The following CATSPERB variants were observed in gnomAD, a reference collection of about 807,000 sequenced individuals.
CATSPERB encodes the protein cation channel sperm-associated auxiliary subunit beta.
In CATSPERB, 93 loss-of-function variants were observed where a neutral mutation model predicts 128.3. The observed-to-expected ratio is 0.72, with a 90% CI of 0.61 to 0.86. CATSPERB has a LOEUF of 0.86. Among genes scored for constraint, CATSPERB ranks in the 40% least tolerant of loss-of-function variants. The probability of loss-of-function intolerance (pLI) is 0.00; values close to 1 mark genes in which losing one functional copy is unlikely to be tolerated. For missense variants in CATSPERB, 1,153 were observed against 1,329.5 expected, an observed-to-expected ratio of 0.87 and a Z score of 2.06; for synonymous variants, 381 against 448.8, an observed-to-expected ratio of 0.85 and a Z score of 1.91.
At chr14:91,725,043 G>T (rs372046371) in intron 3 of CATSPERB, 37 bp downstream of exon 3, 7 of 1,047,784 alleles carry the variant, frequency 6.7e-6, no homozygotes, top group Admixed American at 5.1e-5. Flanking sequence ...TTAAAGGAAC[G>T]TGAAGGGTTA....
intron 26 of CATSPERB, among the ~76,000 whole-genome samples, chr14:91,586,650 A>G (rs1893307424): frequency 6.6e-6 from 1 of 152,072 alleles, no homozygotes; most frequent in Non-Finnish European, 1.5e-5. Flanking sequence ...GATTTTTATC[A>G]AATCCTTATT....
intron 22 of CATSPERB, among the ~76,000 whole-genome samples, chr14:91,593,909 GCGC>G (rs1239186313): frequency 2.7e-5 from 2 of 73,884 alleles, no homozygotes; most frequent in South Asian, 7.4e-4. Flanking sequence ...TGAATCATGG[GCGC>G]TGCTGGTCTT....
In CATSPERB at chr14:91,604,880, C is replaced by T. The variant is rs1332919975; in HGVS notation, c.2709+3414G>A. 51 of 1,334,390 alleles carry T rather than the reference C, an allele frequency of 3.8e-5. 1 individual carries two copies. The highest frequency in any genetic ancestry group is 4.1e-5 in the Non-Finnish European group (38 of 925,822). 82.7% of individuals were successfully genotyped at this position (1,334,390 alleles called of 1,614,324 possible). A position where few individuals can be genotyped will look rare whatever the true frequency, so the allele number is the denominator to read the frequency against. ...TTCCTGCCACCTCTTAGATTTCATT[C>T]TCTGGTTCTGGAACCACGTCTTAAC... On this transcript the variant is annotated intron_variant, in intron 22 of 26. Coordinates refer to ENST00000256343, the MANE Select transcript of CATSPERB (RefSeq NM_024764.4).
At chr14:91,650,852 T>C (rs1846534532) in intron 15 of CATSPERB, among the ~76,000 whole-genome samples, 2 of 152,154 alleles carry the variant, frequency 1.3e-5, no homozygotes, top group African/African-American at 4.8e-5. Flanking sequence ...ATTTATTATT[T>C]TAGATTTTCT....
In CATSPERB at chr14:91,693,247, A is replaced by C. The variant is rs752325077; in HGVS notation, c.713-3T>G. The C allele has an allele frequency of 1.9e-6, 3 of 1,602,918 alleles. No homozygotes were observed. The highest frequency in any genetic ancestry group is 2.6e-6 in the Non-Finnish European group (3 of 1,171,054). On this transcript the variant is annotated splice_polypyrimidine_tract_variant and splice_region_variant and intron_variant, in intron 8 of 26. Coordinates refer to ENST00000256343, the MANE Select transcript of CATSPERB (RefSeq NM_024764.4). ...CACCAATGAAAGGTCTTCATATTCT[A>C]AACGAAGAAATCATACCATGGATTA...
intron 7 of CATSPERB, among the ~76,000 whole-genome samples, chr14:91,702,363 G>T (rs1217280698): frequency 6.7e-6 from 1 of 150,036 alleles, no homozygotes. Context: ...AAAAAATCGC[G>T]GTTTTTGCCA....
At chr14:91,647,231 G>T (rs1894621362) in intron 15 of CATSPERB, among the ~76,000 whole-genome samples, 1 of 152,042 alleles carries the variant, frequency 6.6e-6, no homozygotes, top group African/African-American at 2.4e-5. Context: ...TATTCCTTGG[G>T]GATATGTGTG....
At chr14:91,703,154 T>A (rs1004855677) in intron 7 of CATSPERB, among the ~76,000 whole-genome samples, 1 of 152,134 alleles carries the variant, frequency 6.6e-6, no homozygotes, top group African/African-American at 2.4e-5. Flanking sequence ...TTAAATATAT[T>A]TTCCTTTATA....
chr14:91,636,652 G>C, intron 16 of CATSPERB, 73 bp from the exon 17 acceptor site: 1 of 1,301,652 alleles, frequency 7.7e-7, no homozygotes, highest in Non-Finnish European at 1.0e-6. Context: ...TGAAGTCACA[G>C]ATTTATTTCC....
At chr14:91,606,043 G>A (rs1406321372) in intron 22 of CATSPERB, among the ~76,000 whole-genome samples, 3 of 151,994 alleles carry the variant, frequency 2.0e-5, no homozygotes, top group African/African-American at 7.3e-5. Flanking sequence ...GGGTGTGGTG[G>A]TGGGTGCCTG....
intron 5 of CATSPERB, among the ~76,000 whole-genome samples, chr14:91,711,335 A>G (rs1218197556): frequency 1.3e-5 from 2 of 152,100 alleles, no homozygotes; most frequent in African/African-American, 4.8e-5. Context: ...GGTTCAAGTG[A>G]TCCTCCTGCC....
intron 11 of CATSPERB, among the ~76,000 whole-genome samples, chr14:91,682,026 C>T (rs150048928): frequency 6.6e-6 from 1 of 152,218 alleles, no homozygotes. Context: ...CTGAAACTAA[C>T]CTTTTTGCTG....
intron 20 of CATSPERB, among the ~76,000 whole-genome samples, chr14:91,612,022 T>C (rs1237617747): frequency 5.9e-5 from 5 of 85,342 alleles, no homozygotes; most frequent in African/African-American, 1.2e-4. Flanking sequence ...TTTTCTTTCT[T>C]TCTTTCTTTC....
chr14:91,604,598 T>G (rs1477426039), intron 22 of CATSPERB: 1 of 1,610,844 alleles, frequency 6.2e-7, no homozygotes. Flanking sequence ...TCCATAGTTA[T>G]AGAAGGGACT....
chr14:91,729,374 T>C (rs1896173641), intron 2 of CATSPERB, 27 bp downstream of exon 2: 5 of 1,063,584 alleles, frequency 4.7e-6, no homozygotes, highest in African/African-American at 1.6e-5. Flanking sequence ...GAGAAGGAAA[T>C]AGAGAGTAAG....
chr14:91,731,578 C>T (rs567862199), intron 1 of CATSPERB, among the ~76,000 whole-genome samples: 9 of 152,288 alleles, frequency 5.9e-5, no homozygotes, highest in African/African-American at 1.7e-4. Flanking sequence ...ATATTCTATA[C>T]AGAATAAGCA....
chr14:91,597,074 T>G (rs1283342100), intron 22 of CATSPERB, among the ~76,000 whole-genome samples: 1 of 151,792 alleles, frequency 6.6e-6, no homozygotes, highest in Non-Finnish European at 1.5e-5. Flanking sequence ...TTTGTATTTT[T>G]AGTAGAGACA....
Position 91,628,765 on chromosome 14 carries a change from CA to C in CATSPERB, c.1743-3759del, listed in dbSNP as rs1894216175. On this transcript the variant is annotated intron_variant, in intron 17 of 26. Transcript: ENST00000256343. ...CCCAGTTTCAGGTATTTCTTTATAG[CA>C]GTGTGAAAACAGACTACTGCATATG... is the stretch of plus-strand genomic sequence containing the variant. Among the ~76,000 whole-genome samples, 10 of 152,254 alleles carry C rather than the reference CA, an allele frequency of 6.6e-5. No individual in the cohort carries two copies. In the South Asian group the frequency reaches 1.9e-3, roughly 28 times the overall value.
At chr14:91,613,766 C>G (rs143435014) in intron 20 of CATSPERB, among the ~76,000 whole-genome samples, 1 of 152,132 alleles carries the variant, frequency 6.6e-6, no homozygotes. Context: ...TGACAAGCAC[C>G]GCACTCCTCC....
Sources: gnomAD v4.1 joint callset for allele counts (sites outside exome capture counted in the v4.1 genomes callset) on GRCh38, gnomAD v4.1.1 for gene constraint, MANE v1.5 for transcripts, NCBI Gene and HGNC (gene_info 2026-07-23, HGNC 2026-07-21) for gene names.